The following TAS2R1 variants were observed in gnomAD, a reference collection of about 807,000 sequenced individuals.
The protein encoded by TAS2R1 is taste receptor type 2 member 1.
For synonymous variants in TAS2R1, 141 were observed against 134.2 expected (o/e 1.05, Z -0.35); for missense variants, 370 against 353.4 (o/e 1.05, Z -0.38).
the TAS2R1 span, among the ~76,000 whole-genome samples, chr5:9,838,570 C>A: frequency 6.6e-6 from 1 of 152,178 alleles, no homozygotes; most frequent in South Asian, 2.1e-4. Flanking sequence ...TGTTCTTCAG[C>A]AGCTGAGGTT....
At chr5:9,867,885 T>G in the TAS2R1 span, among the ~76,000 whole-genome samples, 505 of 152,292 alleles carry the variant, frequency 3.3e-3, 1 homozygote, top group Admixed American at 5.9e-3. Context: ...TGGGAGAAAT[T>G]GGCAAAAACA....
chr5:9,752,913 G>T, the TAS2R1 span, among the ~76,000 whole-genome samples: 1 of 152,278 alleles, frequency 6.6e-6, no homozygotes, highest in South Asian at 2.1e-4. Flanking sequence ...ATTCCATAGT[G>T]TATATGTGCC....
At chr5:9,713,587 C>A (rs529675907), upstream of TAS2R1, among the ~76,000 whole-genome samples, 3 of 152,118 alleles carry the variant, frequency 2.0e-5, no homozygotes, top group East Asian at 5.8e-4. Context: ...ACTTCACATG[C>A]GGTGCCTGTT....
chr5:9,890,713 C>T, the TAS2R1 span, among the ~76,000 whole-genome samples: 1 of 152,188 alleles, frequency 6.6e-6, no homozygotes, highest in African/African-American at 2.4e-5. Context: ...GTGGGCCTCA[C>T]TTTACATTAT....
the TAS2R1 span, among the ~76,000 whole-genome samples, chr5:9,763,428 G>C: frequency 2.6e-5 from 4 of 152,058 alleles, no homozygotes; most frequent in African/African-American, 2.4e-5. Flanking sequence ...GCTTGAACCT[G>C]GGAGGCAGGG....
chr5:9,683,951 A>T (rs1291537169), intron 1 of TAS2R1, among the ~76,000 whole-genome samples: 1 of 152,190 alleles, frequency 6.6e-6, no homozygotes, highest in Admixed American at 6.5e-5. Context: ...ACAAGAATGA[A>T]GGAAGAGGTA....
Position 9,679,181 on chromosome 5 carries a change from T to C in TAS2R1, c.-241-19600A>G, listed in dbSNP as rs114346272. ...CAAAAGTATAAGGATGGTAAAATTA[T>C]CAGTGATTGTCAGGGGACAGGGGGA... On this transcript the variant is annotated intron_variant, in intron 1 of 2. Transcript: ENST00000506620. 7.3e-3 allele frequency among the ~76,000 whole-genome samples: 1,104 copies of C among 152,244 alleles called. 6 individuals carry two copies. Among genetic ancestry groups the C allele is most frequent in the Non-Finnish European group, 0.01 (713 of 68,022 alleles).
chr5:9,793,697 G>A, the TAS2R1 span, among the ~76,000 whole-genome samples: 1 of 152,158 alleles, frequency 6.6e-6, no homozygotes, highest in African/African-American at 2.4e-5. Context: ...GCAGCCCTGG[G>A]GTGCGGGGTC....
At chr5:9,711,838 A>ATTTT (rs34825763) in intron 1 of TAS2R1, among the ~76,000 whole-genome samples, 37,603 of 150,742 alleles carry the variant, frequency 0.25, 4,774 homozygotes, top group Middle Eastern at 0.31. Context: ...AATTTTTTGT[A>ATTTT]TTTTTTTAGT....
intron 2 of TAS2R1, among the ~76,000 whole-genome samples, chr5:9,636,912 A>AT: frequency 6.6e-6 from 1 of 151,844 alleles, no homozygotes; most frequent in East Asian, 1.9e-4. Flanking sequence ...CATTTAGGCC[A>AT]TTTACATTCA....
chr5:9,873,889 G>A, the TAS2R1 span, among the ~76,000 whole-genome samples: 28 of 148,642 alleles, frequency 1.9e-4, no homozygotes, highest in Non-Finnish European at 3.7e-4. Flanking sequence ...AAAAAAAGGA[G>A]GGGAGGGAAG....
intron 1 of TAS2R1, among the ~76,000 whole-genome samples, chr5:9,707,485 C>T (rs563288026): frequency 6.6e-6 from 1 of 152,198 alleles, no homozygotes; most frequent in Non-Finnish European, 1.5e-5. Context: ...GAGTTCAAGA[C>T]CAGCCTGGCC....
At chr5:9,684,841 T>C (rs966458659) in intron 1 of TAS2R1, among the ~76,000 whole-genome samples, 1 of 150,362 alleles carries the variant, frequency 6.7e-6, no homozygotes, top group Non-Finnish European at 1.5e-5. Flanking sequence ...ACAATGATTA[T>C]GTATCAACTA....
chr5:9,860,465 T>G, the TAS2R1 span, among the ~76,000 whole-genome samples: 1 of 152,060 alleles, frequency 6.6e-6, no homozygotes, highest in Non-Finnish European at 1.5e-5. Context: ...CACCAAATAA[T>G]AAGACAAAAC....
rs150337717 is a variant in TAS2R1 at position 9,691,371 on chromosome 5, A to T, written c.-242+20801T>A. 1.3e-3 allele frequency among the ~76,000 whole-genome samples: 197 copies of T among 152,308 alleles called. 1 individual carries two copies. The highest frequency in any genetic ancestry group is 4.5e-3 in the African/African-American group (189 of 41,584). ...GACCCCGCTGGCACCTTCATTTCGGACTTCTGGCCTCCAGAACTGTGAGAG... is the reference window on the plus strand; with the variant it reads ...GACCCCGCTGGCACCTTCATTTCGGTCTTCTGGCCTCCAGAACTGTGAGAG... On this transcript the variant is annotated intron_variant, in intron 1 of 2. Coordinates refer to the TAS2R1 transcript ENST00000506620.
the TAS2R1 span, among the ~76,000 whole-genome samples, chr5:9,818,782 T>C: frequency 2.0e-5 from 3 of 152,132 alleles, no homozygotes; most frequent in Non-Finnish European, 2.9e-5. Context: ...CACCTCTTGA[T>C]GGGAGGAAGC....
the TAS2R1 span, among the ~76,000 whole-genome samples, chr5:9,868,238 C>G: frequency 1.3e-5 from 2 of 152,230 alleles, no homozygotes; most frequent in Non-Finnish European, 2.9e-5. Flanking sequence ...CCCACATTTC[C>G]CTTCCACACT....
chr5:9,838,257 G>A, the TAS2R1 span, among the ~76,000 whole-genome samples: 5 of 152,120 alleles, frequency 3.3e-5, no homozygotes, highest in Non-Finnish European at 5.9e-5. Context: ...GCTGTGGTGC[G>A]CCCCGTCTCT....
the TAS2R1 span, among the ~76,000 whole-genome samples, chr5:9,814,536 T>C: frequency 6.6e-6 from 1 of 152,150 alleles, no homozygotes; most frequent in Non-Finnish European, 1.5e-5. Flanking sequence ...ACATTCCAGA[T>C]CAAAATTTAA....
Sources: allele counts gnomAD v4.1 joint callset (sites outside exome capture counted in the v4.1 genomes callset), GRCh38; gene constraint gnomAD v4.1.1; transcripts MANE v1.5; gene names NCBI Gene and HGNC (gene_info 2026-07-23, HGNC 2026-07-21).